IRAG2: variants seen among roughly 807,000 people sequenced by gnomAD.
IRAG2 encodes the protein inositol 1,4,5-triphosphate receptor associated 2.
In IRAG2, 45 loss-of-function variants were observed where a neutral mutation model predicts 69.9. That is an observed-to-expected ratio of 0.64 (90% CI 0.51 to 0.83). The LOEUF is 0.83. Among genes scored for constraint, IRAG2 ranks in the 40% least tolerant of loss-of-function variants. The pLI is 0.00. For synonymous variants in IRAG2, 193 were observed against 202.4 expected (o/e 0.95, Z 0.40); for missense variants, 520 against 587.0 (o/e 0.89, Z 1.18).
chr12:25,107,708 C>CAGTTTTGGGGGTA (rs1565598137), intron 21 of IRAG2, 109 bp from the exon 22 acceptor site: 1 of 989,810 alleles, frequency 1.0e-6, no homozygotes. Context: ...GATTAAAAGG[C>CAGTTTTGGGGGTA]AGTTTTGGGG....
intron 1 of IRAG2, among the ~76,000 whole-genome samples, chr12:25,059,555 T>A (rs1373237712): frequency 6.6e-6 from 1 of 152,182 alleles, no homozygotes; most frequent in African/African-American, 2.4e-5. Flanking sequence ...GGTTTCACCA[T>A]GTTGTTCAGG....
chr12:25,022,180 C>T (rs1944586423), intron 7 of IRAG2, among the ~76,000 whole-genome samples: 1 of 152,176 alleles, frequency 6.6e-6, no homozygotes, highest in African/African-American at 2.4e-5. Flanking sequence ...ATTCAATGTC[C>T]TTTCTTTCCT....
intron 3 of IRAG2, among the ~76,000 whole-genome samples, chr12:25,011,844 G>T (rs1273830874): frequency 2.6e-5 from 4 of 152,182 alleles, no homozygotes; most frequent in African/African-American, 9.7e-5. Flanking sequence ...CTTGTGATTA[G>T]TGGGGAGCAC....
intron 3 of IRAG2, among the ~76,000 whole-genome samples, chr12:25,063,139 T>C (rs1945733710): frequency 6.6e-6 from 1 of 152,228 alleles, no homozygotes; most frequent in South Asian, 2.1e-4. Context: ...CTCAGCTCAC[T>C]GCAACCTCCG....
At chr12:25,098,354 T>C (rs1948546303) in intron 15 of IRAG2, among the ~76,000 whole-genome samples, 1 of 152,190 alleles carries the variant, frequency 6.6e-6, no homozygotes, top group Non-Finnish European at 1.5e-5. Flanking sequence ...GTCATGTCTT[T>C]CCCCATATTC....
chr12:25,101,044 C>CT (rs111489594), intron 15 of IRAG2, 134 bp from the exon 16 acceptor site: 240 of 609,552 alleles, frequency 3.9e-4, no homozygotes, highest in East Asian at 2.4e-3. Flanking sequence ...AGATGCATGT[C>CT]TTTTTAAAAA....
In IRAG2 at chr12:25,026,868, T is replaced by G. The variant is rs1183320730; in HGVS notation, c.1461+2T>G. 8.2e-7 allele frequency: 1 copy of G among 1,218,024 alleles called. No homozygotes were observed. Among genetic ancestry groups the G allele is most frequent in the Non-Finnish European group, 1.0e-6 (1 of 975,258 alleles). 75.5% of individuals were successfully genotyped at this position (1,218,024 alleles called of 1,614,324 possible). A position where few individuals can be genotyped will look rare whatever the true frequency, so the allele number is the denominator to read the frequency against. On this transcript the variant is annotated splice_donor_variant, in intron 9 of 38. Transcript: ENST00000636465. LOFTEE classifies it high-confidence loss of function. Reference sequence around the variant, plus strand: ...TCTAAAACTGAGACAGAGCACCAAGTAAGCACTTCCCAAATACTGGTAAAA... The same window carrying G: ...TCTAAAACTGAGACAGAGCACCAAGGAAGCACTTCCCAAATACTGGTAAAA...
chr12:25,011,599 C>T (rs859143), intron 3 of IRAG2: 1,093,158 of 1,101,192 alleles, frequency 0.99, 543,030 homozygotes, highest in East Asian at 1. Context: ...ATTTTAACAA[C>T]TGATTATAAT....
At chr12:25,016,590 C>G (rs1944530674) in intron 5 of IRAG2, among the ~76,000 whole-genome samples, 1 of 151,990 alleles carries the variant, frequency 6.6e-6, no homozygotes, top group Non-Finnish European at 1.5e-5. Context: ...TGGTGAAACC[C>G]CATCTCTACT....
chr12:25,084,135 C>A (rs1947409548), intron 10 of IRAG2, among the ~76,000 whole-genome samples: 2 of 152,158 alleles, frequency 1.3e-5, no homozygotes, highest in Non-Finnish European at 2.9e-5. Context: ...TGCCTGTAAT[C>A]CCAGCACTTT....
chr12:25,105,955 G>T (rs955785792), intron 20 of IRAG2, among the ~76,000 whole-genome samples: 1 of 151,832 alleles, frequency 6.6e-6, no homozygotes, highest in African/African-American at 2.4e-5. Context: ...AGCAAATATA[G>T]TGGAACAATT....
intron 21 of IRAG2, 24 bp downstream of exon 21, chr12:25,107,074 C>A (rs1206292171): frequency 7.4e-7 from 1 of 1,358,170 alleles, no homozygotes; most frequent in Non-Finnish European, 1.0e-6. Context: ...TTGATAAATT[C>A]TACCATTTTA....
At chr12:25,106,700 T>C (rs1452523192) in intron 20 of IRAG2, among the ~76,000 whole-genome samples, 1 of 149,606 alleles carries the variant, frequency 6.7e-6, no homozygotes, top group East Asian at 2.0e-4. Flanking sequence ...ATATTCTAAC[T>C]AACTTTCTAC....
intron 1 of IRAG2, among the ~76,000 whole-genome samples, chr12:25,057,402 G>A (rs1945334249): frequency 6.6e-6 from 1 of 151,666 alleles, no homozygotes; most frequent in South Asian, 2.1e-4. Context: ...AGGACTATAG[G>A]CGAGCACCAC....
intron 10 of IRAG2, among the ~76,000 whole-genome samples, chr12:25,087,460 G>A (rs1207979944): frequency 2.0e-5 from 3 of 151,910 alleles, no homozygotes; most frequent in South Asian, 2.1e-4. Context: ...GAGCCACAGC[G>A]CCCTGCCATT....
intron 16 of IRAG2, among the ~76,000 whole-genome samples, chr12:25,038,545 T>C (rs1024327434): frequency 6.6e-6 from 1 of 151,208 alleles, no homozygotes; most frequent in African/African-American, 2.4e-5. Flanking sequence ...GGGAGGCTGA[T>C]GCAGGAGAAT....
intron 3 of IRAG2, chr12:25,015,088 GAAAAAAAAAAAAA>G: frequency 6.7e-4 from 34 of 50,886 alleles, no homozygotes; most frequent in African/African-American, 2.8e-3. Flanking sequence ...GCATAAATCT[GAAAAAAAAAAAAA>G]AAAAAAAAAA....
intron 9 of IRAG2, among the ~76,000 whole-genome samples, chr12:25,027,780 G>A (rs1410426925): frequency 6.6e-6 from 1 of 152,078 alleles, no homozygotes; most frequent in African/African-American, 2.4e-5. Context: ...TGGGTGTTCA[G>A]GCTGTTTTCA....
chr12:25,039,194 A>T (rs1178504930), intron 16 of IRAG2, among the ~76,000 whole-genome samples: 2 of 152,232 alleles, frequency 1.3e-5, no homozygotes, highest in African/African-American at 4.8e-5. Flanking sequence ...AAATTTTAAA[A>T]TGTAATTAGA....
Sources: gnomAD v4.1 joint callset for allele counts (sites outside exome capture counted in the v4.1 genomes callset) on GRCh38, gnomAD v4.1.1 for gene constraint, MANE v1.5 for transcripts, NCBI Gene and HGNC (gene_info 2026-07-23, HGNC 2026-07-21) for gene names.